Variants in RXRG observed in about 807,000 individuals in gnomAD.
RXRG encodes the protein retinoic acid receptor RXR-gamma.
Under a neutral mutation model 49.2 loss-of-function variants are expected in RXRG, and 19 were observed. That is an observed-to-expected ratio of 0.39 (90% CI 0.27 to 0.57). The LOEUF (loss-of-function observed/expected upper bound fraction) is 0.57, where lower values mean the gene tolerates loss of function less well. Among genes scored for constraint, RXRG ranks in the 20% least tolerant of loss-of-function variants. The probability of loss-of-function intolerance (pLI) is 0.64; values close to 1 mark genes in which losing one functional copy is unlikely to be tolerated. For synonymous variants in RXRG, 224 were observed against 216.6 expected (o/e 1.03, Z -0.30); for missense variants, 452 against 592.5 (o/e 0.76, Z 2.46).
intron 1 of RXRG, among the ~76,000 whole-genome samples, chr1:165,439,005 T>A (rs1658900574): frequency 6.6e-6 from 1 of 152,106 alleles, no homozygotes; most frequent in African/African-American, 2.4e-5. Context: ...TAAAGCAGGT[T>A]TTCTAAAATC....
intron 8 of RXRG, 39 bp downstream of exon 8, chr1:165,408,188 G>T: frequency 6.8e-7 from 1 of 1,467,554 alleles, no homozygotes; most frequent in Non-Finnish European, 9.6e-7. Flanking sequence ...GTGGAAGAGG[G>T]CTGAACACAC....
chr1:165,423,922 C>A (rs980368456), intron 2 of RXRG, among the ~76,000 whole-genome samples: 1 of 152,114 alleles, frequency 6.6e-6, no homozygotes, highest in Non-Finnish European at 1.5e-5. Context: ...AAAATGCAAA[C>A]AGACTCAAGA....
intron 3 of RXRG, among the ~76,000 whole-genome samples, chr1:165,418,504 TA>T (rs1658205543): frequency 6.6e-6 from 1 of 152,212 alleles, no homozygotes; most frequent in Admixed American, 6.5e-5. Flanking sequence ...CTCAGGAGTT[TA>T]CAGTTCAGAG....
chr1:165,423,199 A>G (rs1374379921), intron 2 of RXRG, among the ~76,000 whole-genome samples: 1 of 152,156 alleles, frequency 6.6e-6, no homozygotes, highest in Non-Finnish European at 1.5e-5. Flanking sequence ...CAGCCATCAG[A>G]GCATAAACCC....
At chr1:165,425,765 C>G (rs573295132) in intron 2 of RXRG, among the ~76,000 whole-genome samples, 1 of 152,240 alleles carries the variant, frequency 6.6e-6, no homozygotes, top group Non-Finnish European at 1.5e-5. Context: ...AATTCACTCT[C>G]TTTGCTCCCT....
intron 2 of RXRG, among the ~76,000 whole-genome samples, chr1:165,420,331 C>G (rs1658269782): frequency 6.6e-6 from 1 of 152,170 alleles, no homozygotes; most frequent in African/African-American, 2.4e-5. Context: ...ATTACACACC[C>G]AGGACAATGT....
chr1:165,444,975 T>C lies in RXRG; in HGVS notation c.-82A>G, dbSNP rs1033185987. ...CTCGGCTCCCAGGCACAGCCCGGCT[T>C]TCTTCAACTTGGGCTAACAAGAGTG... On this transcript the variant is annotated 5_prime_UTR_variant, in exon 1 of 10. Transcript: ENST00000359842. The C allele has an allele frequency of 7.4e-7, 1 of 1,357,794 alleles. No individual in the cohort carries two copies. Among genetic ancestry groups the C allele is most frequent in the Non-Finnish European group, 1.1e-6 (1 of 948,042 alleles). 84.1% of individuals were successfully genotyped at this position (1,357,794 alleles called of 1,614,324 possible).
intron 1 of RXRG, among the ~76,000 whole-genome samples, chr1:165,432,815 T>C (rs916324297): frequency 2.0e-5 from 3 of 152,218 alleles, no homozygotes; most frequent in Admixed American, 1.3e-4. Context: ...CAGGAGAGAT[T>C]CTGTCTAGCC....
At position 165,444,845 on chromosome 1, in the gene RXRG, C is replaced by T. The variant is rs1219393674; in HGVS notation, c.49G>A (p.Gly17Ser). 2 of 1,614,002 alleles carry T rather than the reference C, an allele frequency of 1.2e-6. No individual in the cohort carries two copies. The highest frequency in any genetic ancestry group is 1.7e-6 in the Non-Finnish European group (2 of 1,179,840). ...AGTGAAGCCCAAGGGAGATACTTAC[C>T]TCCATAGCCTGCGGGAAACTTCATG... ...HFMKFPAGYG[G>S]SPGHTGSTSM... The change falls in exon 1 of 10, where the codon GGC becomes AGC. Residue 17 changes from glycine to serine, a missense_variant and splice_region_variant. Coordinates refer to ENST00000359842, the MANE Select transcript of RXRG (RefSeq NM_006917.5).
chr1:165,404,400 T>C (rs1371025931), intron 9 of RXRG, among the ~76,000 whole-genome samples: 1 of 152,236 alleles, frequency 6.6e-6, no homozygotes, highest in Admixed American at 6.5e-5. Context: ...GCCAGCCATA[T>C]TCTGGCAGAA....
intron 9 of RXRG, among the ~76,000 whole-genome samples, chr1:165,403,453 C>G (rs762131852): frequency 1.3e-5 from 2 of 152,098 alleles, no homozygotes; most frequent in Non-Finnish European, 2.9e-5. Context: ...TACACTTATG[C>G]CATAAGACAT....
intron 2 of RXRG, among the ~76,000 whole-genome samples, chr1:165,426,171 G>C (rs908896880): frequency 2.6e-5 from 4 of 152,214 alleles, no homozygotes; most frequent in African/African-American, 7.2e-5. Flanking sequence ...TTTGCTACCT[G>C]CACAAGGGTC....
intron 9 of RXRG, among the ~76,000 whole-genome samples, chr1:165,404,986 C>T (rs1181103345): frequency 2.6e-5 from 4 of 152,008 alleles, no homozygotes; most frequent in Non-Finnish European, 4.4e-5. Flanking sequence ...CTTGAACAAC[C>T]GACCTCAGGT....
intron 1 of RXRG, among the ~76,000 whole-genome samples, chr1:165,438,151 C>G (rs1429520115): frequency 6.6e-6 from 1 of 152,166 alleles, no homozygotes; most frequent in Admixed American, 6.5e-5. Flanking sequence ...TGACTCAGCC[C>G]TGGCTCAGCG....
Position 165,444,296 on chromosome 1 carries a change from G to T in RXRG, c.49+549C>A, listed in dbSNP as rs116797832. ...AGCAAATCAAAGGAAAGAAAACAGG[G>T]GAAGGAAAACACAGTAGCAAATTAA... On this transcript the variant is annotated intron_variant, in intron 1 of 9. Transcript: ENST00000359842. 2.4e-3 allele frequency among the ~76,000 whole-genome samples: 364 copies of T among 152,230 alleles called. 2 individuals are homozygous for T. The highest frequency in any genetic ancestry group is 8.5e-3 in the African/African-American group (353 of 41,540).
At chr1:165,411,227 G>A (rs2101711437) in intron 4 of RXRG, 118 bp from the exon 5 acceptor site, 1 of 1,042,146 alleles carries the variant, frequency 9.6e-7, no homozygotes, top group Non-Finnish European at 1.4e-6. Flanking sequence ...TTATGATCCT[G>A]AATTGGGGAT....
chr1:165,426,254 G>A (rs896257450), intron 2 of RXRG, among the ~76,000 whole-genome samples: 4 of 152,212 alleles, frequency 2.6e-5, no homozygotes, highest in Non-Finnish European at 5.9e-5. Context: ...ATTAGAAACT[G>A]GGGTGAAGAT....
chr1:165,431,388 T>C (rs945897747), intron 1 of RXRG, among the ~76,000 whole-genome samples: 1 of 152,204 alleles, frequency 6.6e-6, no homozygotes, highest in Non-Finnish European at 1.5e-5. Context: ...TTTAGACTCT[T>C]CTGAGGCCCT....
chr1:165,441,871 G>C (rs1446432052), intron 1 of RXRG, among the ~76,000 whole-genome samples: 2 of 152,172 alleles, frequency 1.3e-5, no homozygotes, highest in Admixed American at 6.5e-5. Flanking sequence ...TCATTACATG[G>C]TAGGGCCCAA....
Sources: allele counts gnomAD v4.1 joint callset (sites outside exome capture counted in the v4.1 genomes callset), GRCh38; gene constraint gnomAD v4.1.1; transcripts MANE v1.5; gene names NCBI Gene and HGNC (gene_info 2026-07-23, HGNC 2026-07-21).